Variants in BABAM2 observed in about 807,000 individuals in gnomAD.
BABAM2 encodes the protein BRISC and BRCA1 A complex member 2, also known as BRISC and BRCA1-A complex member 2.
A neutral mutation model predicts 54.7 loss-of-function variants in BABAM2; 31 were observed. The ratio of observed to expected loss-of-function variants is 0.57; its 90% CI spans 0.43 to 0.77. The LOEUF (loss-of-function observed/expected upper bound fraction) is 0.77. Among genes scored for constraint, BABAM2 ranks in the 30% least tolerant of loss-of-function variants. BABAM2 has a pLI of 0.00. For missense variants in BABAM2, 364 were observed against 455.8 expected (o/e 0.80, Z 1.83); for synonymous variants, 167 against 162.9 (o/e 1.03, Z -0.19).
At chr2:27,891,296 C>G (rs1030525406) in intron 1 of BABAM2, among the ~76,000 whole-genome samples, 1 of 152,190 alleles carries the variant, frequency 6.6e-6, no homozygotes, top group Non-Finnish European at 1.5e-5. Flanking sequence ...CCACCCCTTT[C>G]CGTTCCATGA....
chr2:28,203,678 C>A (rs898268435), intron 7 of BABAM2, among the ~76,000 whole-genome samples: 1 of 152,056 alleles, frequency 6.6e-6, no homozygotes, highest in Non-Finnish European at 1.5e-5. Context: ...AGGTGATATA[C>A]TAAGGTTCTC....
At chr2:28,125,395 G>A (rs1669433422) in intron 6 of BABAM2, among the ~76,000 whole-genome samples, 2 of 152,072 alleles carry the variant, frequency 1.3e-5, no homozygotes, top group Admixed American at 6.5e-5. Context: ...CCGGGTTCAA[G>A]CAATTCTCCT....
chr2:28,158,088 A>T (rs1190352712), intron 7 of BABAM2, among the ~76,000 whole-genome samples: 4 of 152,256 alleles, frequency 2.6e-5, no homozygotes, highest in African/African-American at 9.6e-5. Flanking sequence ...ATTGATCACA[A>T]ATATAATAAA....
At chr2:28,026,947 TTAA>T (rs1558667962) in intron 5 of BABAM2, among the ~76,000 whole-genome samples, 1 of 4,516 alleles carries the variant, frequency 2.2e-4, no homozygotes, top group East Asian at 0.083. Flanking sequence ...TAAATATATA[TTAA>T]TATATATAAA....
chr2:27,968,645 A>G (rs377699134), intron 3 of BABAM2, among the ~76,000 whole-genome samples: 3 of 152,328 alleles, frequency 2.0e-5, no homozygotes, highest in South Asian at 4.1e-4. Context: ...ACAGACATTC[A>G]ACACCAGCCC....
At chr2:28,065,730 G>T (rs1663467321) in intron 6 of BABAM2, among the ~76,000 whole-genome samples, 1 of 152,002 alleles carries the variant, frequency 6.6e-6, no homozygotes, top group South Asian at 2.1e-4. Context: ...CTCTCCATTT[G>T]CCCTGCCTGG....
At chr2:28,081,160 A>T (rs78003529) in intron 6 of BABAM2, among the ~76,000 whole-genome samples, 6,283 of 152,280 alleles carry the variant, frequency 0.041, 424 homozygotes, top group African/African-American at 0.14. Context: ...AGCCAGCCAC[A>T]TAGATTCGCA....
intron 7 of BABAM2, among the ~76,000 whole-genome samples, chr2:28,132,488 A>AT (rs938971751): frequency 3.3e-5 from 5 of 151,720 alleles, no homozygotes; most frequent in Admixed American, 6.6e-5. Context: ...CTTTTAGATC[A>AT]TTTTTCGGTT....
chr2:27,908,185 T>C (rs1302591763), intron 2 of BABAM2, among the ~76,000 whole-genome samples: 1 of 152,190 alleles, frequency 6.6e-6, no homozygotes, highest in East Asian at 1.9e-4. Flanking sequence ...TATTGTGTGA[T>C]GCTGAGGTTT....
chr2:28,074,267 C>T (rs762044473), intron 6 of BABAM2, among the ~76,000 whole-genome samples: 27 of 152,064 alleles, frequency 1.8e-4, no homozygotes, highest in Non-Finnish European at 2.1e-4. Flanking sequence ...CATTTTTGGC[C>T]AGATAATTCA....
chr2:28,008,547 A>G (rs1376967657), intron 4 of BABAM2, among the ~76,000 whole-genome samples: 1 of 152,232 alleles, frequency 6.6e-6, no homozygotes, highest in Non-Finnish European at 1.5e-5. Context: ...CAAAGAAAGC[A>G]TGTCTGCAGG....
intron 7 of BABAM2, among the ~76,000 whole-genome samples, chr2:28,199,252 C>G (rs917018236): frequency 1.3e-5 from 2 of 152,130 alleles, no homozygotes; most frequent in East Asian, 3.9e-4. Flanking sequence ...ACATCTTAGC[C>G]GACACACATC....
At chr2:28,210,409 A>G (rs1383810106) in intron 7 of BABAM2, among the ~76,000 whole-genome samples, 1 of 152,174 alleles carries the variant, frequency 6.6e-6, no homozygotes, top group African/African-American at 2.4e-5. Flanking sequence ...AGAATAGAAG[A>G]GAGTGCTTGT....
intron 2 of BABAM2, among the ~76,000 whole-genome samples, chr2:27,923,212 C>T (rs995943147): frequency 1.3e-5 from 2 of 152,178 alleles, no homozygotes; most frequent in African/African-American, 4.8e-5. Context: ...GTATATCACC[C>T]TGAATTCTTT....
At chr2:28,112,152 TCCCTCCCTCCC>T (rs1668137728) in intron 6 of BABAM2, among the ~76,000 whole-genome samples, 4 of 7,270 alleles carry the variant, frequency 5.5e-4, no homozygotes, top group African/African-American at 1.7e-3. Flanking sequence ...TTTCTTTACC[TCCCTCCCTCCC>T]TCCCTCCCTC....
chr2:28,240,747 A>G (rs1255776725), intron 8 of BABAM2, among the ~76,000 whole-genome samples: 3 of 151,716 alleles, frequency 2.0e-5, no homozygotes, highest in Non-Finnish European at 4.4e-5. Context: ...GCGGACTCCT[A>G]TAATCCCAGC....
intron 7 of BABAM2, among the ~76,000 whole-genome samples, chr2:28,220,501 G>A (rs945430777): frequency 6.6e-6 from 1 of 151,966 alleles, no homozygotes; most frequent in Non-Finnish European, 1.5e-5. Context: ...CAATCAAACT[G>A]TGTTCTTATA....
chr2:28,010,894 A>G lies in BABAM2; in HGVS notation c.301-14332A>G, dbSNP rs190981397. Among the ~76,000 whole-genome samples, 3 of 152,256 alleles carry G rather than the reference A, an allele frequency of 2.0e-5. No individual in the cohort carries two copies. The East Asian group carries it at 5.8e-4, about 29-fold the overall frequency. On this transcript the variant is annotated intron_variant, in intron 4 of 11. Transcript: ENST00000379624. The stretch of plus-strand genomic sequence containing the variant: ...ATTGTTACTCCAATTCAGACTTTAT[A>G]TTCTCCTTTCATAGGAAGAAAGAAA...
chr2:28,034,931 T>C (rs2148588752), intron 5 of BABAM2, among the ~76,000 whole-genome samples: 1 of 152,154 alleles, frequency 6.6e-6, no homozygotes, highest in East Asian at 1.9e-4. Flanking sequence ...TTAACGTTAA[T>C]GGGAAAATGT....
Sources: allele counts gnomAD v4.1 joint callset (sites outside exome capture counted in the v4.1 genomes callset), GRCh38; gene constraint gnomAD v4.1.1; transcripts MANE v1.5; gene names NCBI Gene and HGNC (gene_info 2026-07-23, HGNC 2026-07-21).